The following SATB2 variants were observed in gnomAD, a reference collection of about 807,000 sequenced individuals.
SATB2 encodes the protein SATB homeobox 2.
Under a neutral mutation model 73.4 loss-of-function variants are expected in SATB2, and 1 was observed. That is an observed-to-expected ratio of 0.01 (90% confidence interval 0.00 to 0.06). The LOEUF (loss-of-function observed/expected upper bound fraction) is 0.06. Among genes scored for constraint, SATB2 ranks in the 10% least tolerant of loss-of-function variants. The pLI is 1.00. For synonymous variants in SATB2, 397 were observed against 367.0 expected (o/e 1.08, Z -0.93); for missense variants, 459 against 945.8 (o/e 0.49, Z 6.75).
intron 3 of SATB2, among the ~76,000 whole-genome samples, chr2:199,388,896 T>G (rs1197113733): frequency 6.6e-6 from 1 of 152,178 alleles, no homozygotes; most frequent in African/African-American, 2.4e-5. Flanking sequence ...CATCTGTTTA[T>G]CTTCCTCAGA....
intron 3 of SATB2, among the ~76,000 whole-genome samples, chr2:199,428,351 T>C (rs1391562500): frequency 1.3e-5 from 2 of 152,214 alleles, no homozygotes; most frequent in Non-Finnish European, 2.9e-5. Flanking sequence ...ATGAAATATA[T>C]AAACATCATT....
intron 3 of SATB2, among the ~76,000 whole-genome samples, chr2:199,413,953 T>A (rs1456716035): frequency 6.6e-6 from 1 of 152,202 alleles, no homozygotes; most frequent in Admixed American, 6.5e-5. Flanking sequence ...TCACTTGCAA[T>A]CTTAAATGAT....
chr2:199,393,878 C>T (rs1396067848), intron 3 of SATB2, among the ~76,000 whole-genome samples: 1 of 151,902 alleles, frequency 6.6e-6, no homozygotes, highest in Non-Finnish European at 1.5e-5. Context: ...CAATGGCTTT[C>T]AGATCAACCG....
chr2:199,397,628 C>A, intron 3 of SATB2: 1 of 218,690 alleles, frequency 4.6e-6, no homozygotes, highest in South Asian at 4.5e-5. Flanking sequence ...ATGGCTCACG[C>A]CTGTAATCCC....
chr2:199,401,647 T>C (rs1300175551), intron 3 of SATB2, among the ~76,000 whole-genome samples: 2 of 152,096 alleles, frequency 1.3e-5, no homozygotes, highest in African/African-American at 4.8e-5. Context: ...TAAAATAACC[T>C]GCCTTGCTAA....
chr2:199,375,980 C>T (rs1689592169), intron 5 of SATB2, among the ~76,000 whole-genome samples: 1 of 152,192 alleles, frequency 6.6e-6, no homozygotes, highest in Non-Finnish European at 1.5e-5. Context: ...ATAAAAACTG[C>T]ATGCATCTGT....
chr2:199,453,009 G>A (rs964803928), intron 2 of SATB2, among the ~76,000 whole-genome samples: 14 of 152,168 alleles, frequency 9.2e-5, no homozygotes, highest in African/African-American at 3.4e-4. Context: ...CAGTGACAGT[G>A]TATCTACCCT....
intron 10 of SATB2, among the ~76,000 whole-genome samples, chr2:199,298,566 T>C (rs1687186265): frequency 6.6e-6 from 1 of 152,204 alleles, no homozygotes; most frequent in Non-Finnish European, 1.5e-5. Context: ...TATTAGTATG[T>C]ATTTGTAGAT....
At chr2:199,443,593 A>G (rs961946157) in intron 2 of SATB2, among the ~76,000 whole-genome samples, 3 of 151,802 alleles carry the variant, frequency 2.0e-5, no homozygotes, top group East Asian at 1.9e-4. Flanking sequence ...CCTACTGTCT[A>G]TGTTTAGAGT....
intron 10 of SATB2, among the ~76,000 whole-genome samples, chr2:199,289,880 T>A (rs111780823): frequency 6.6e-6 from 1 of 152,176 alleles, no homozygotes; most frequent in African/African-American, 2.4e-5. Flanking sequence ...TCTCCAGGTG[T>A]ACTCCCATTG....
chr2:199,366,453 G>A (rs979880341), intron 6 of SATB2, among the ~76,000 whole-genome samples: 4 of 151,986 alleles, frequency 2.6e-5, no homozygotes, highest in African/African-American at 7.2e-5. Context: ...TCTGAGGGTC[G>A]AAAGTTAATA....
At chr2:199,391,570 T>C (rs978177896) in intron 3 of SATB2, among the ~76,000 whole-genome samples, 2 of 152,198 alleles carry the variant, frequency 1.3e-5, no homozygotes, top group African/African-American at 4.8e-5. Flanking sequence ...ATGTTTTACA[T>C]TTAAAGATAT....
chr2:199,422,257 G>T (rs552935199), intron 3 of SATB2, among the ~76,000 whole-genome samples: 1 of 151,286 alleles, frequency 6.6e-6, no homozygotes, highest in East Asian at 1.9e-4. Flanking sequence ...CTCTAGAATG[G>T]TTGGTTCATG....
chr2:199,456,696 A>C (rs528694020), intron 1 of SATB2, among the ~76,000 whole-genome samples: 1 of 152,290 alleles, frequency 6.6e-6, no homozygotes, highest in African/African-American at 2.4e-5. Flanking sequence ...AGCATCCGAA[A>C]ACACTTGGAG....
intron 3 of SATB2, among the ~76,000 whole-genome samples, chr2:199,424,327 A>C (rs190137509): frequency 6.6e-6 from 1 of 152,190 alleles, no homozygotes; most frequent in African/African-American, 2.4e-5. Flanking sequence ...AAGGTGCCCA[A>C]CTGTGACCAA....
chr2:199,323,375 C>T (rs1559161070), intron 9 of SATB2, among the ~76,000 whole-genome samples: 1 of 151,898 alleles, frequency 6.6e-6, no homozygotes, highest in East Asian at 1.9e-4. Flanking sequence ...GTTATTATAA[C>T]AGAGTTGGAC....
At chr2:199,273,738 C>A (rs1278376356) in intron 10 of SATB2, among the ~76,000 whole-genome samples, 1 of 151,824 alleles carries the variant, frequency 6.6e-6, no homozygotes, top group Non-Finnish European at 1.5e-5. Context: ...TTTTTTTTCT[C>A]CTAATGTTAA....
chr2:199,345,954 C>T (rs1415318914), intron 7 of SATB2, among the ~76,000 whole-genome samples: 2 of 152,108 alleles, frequency 1.3e-5, no homozygotes, highest in Admixed American at 6.5e-5. Context: ...CAACTACCAA[C>T]TATACTTGCA....
intron 5 of SATB2, among the ~76,000 whole-genome samples, chr2:199,373,148 C>T (rs1689499404): frequency 6.6e-6 from 1 of 152,098 alleles, no homozygotes; most frequent in Admixed American, 6.5e-5. Flanking sequence ...CAGTGAGAAT[C>T]CCCTGTCTGA....
Sources: allele counts gnomAD v4.1 joint callset (sites outside exome capture counted in the v4.1 genomes callset), GRCh38; gene constraint gnomAD v4.1.1; transcripts MANE v1.5; gene names NCBI Gene and HGNC (gene_info 2026-07-23, HGNC 2026-07-21).